The following SHC3 variants were observed in gnomAD, a reference collection of about 807,000 sequenced individuals.
SHC3 encodes SHC adaptor protein 3, also known as SHC-transforming protein 3.
A neutral mutation model predicts 60.4 loss-of-function variants in SHC3; 15 were observed. The observed-to-expected ratio is 0.25, with a 90% CI of 0.17 to 0.38. SHC3 has a LOEUF of 0.38. SHC3 is among the 10% of genes least tolerant of loss of function. The pLI is 1.00. For synonymous variants in SHC3, 294 were observed against 325.9 expected (o/e 0.90, Z 1.05); for missense variants, 677 against 786.1 (o/e 0.86, Z 1.66).
In SHC3 at chr9:89,017,339, C is replaced by T. The variant is rs549207789; in HGVS notation, c.1657-3764G>A. On this transcript the variant is annotated intron_variant, in intron 11 of 11. Coordinates refer to ENST00000375835, the MANE Select transcript of SHC3 (RefSeq NM_016848.6). Reference sequence around the variant, plus strand: ...AACAGAACAGAGGCCTCAGAAATAACACCACACATCTACAACCATCTGATC... The same window carrying T: ...AACAGAACAGAGGCCTCAGAAATAATACCACACATCTACAACCATCTGATC... Among the ~76,000 whole-genome samples, 4 of 152,198 alleles carry T rather than the reference C, an allele frequency of 2.6e-5. No individual in the cohort carries two copies. In the South Asian group the frequency reaches 8.3e-4, roughly 32 times the overall value.
Position 89,006,504 on chromosome 9 carries a change from C to T in SHC3, c.*6943G>A, listed in dbSNP as rs1332088533. On this transcript the variant is annotated 3_prime_UTR_variant, in exon 12 of 12. Coordinates refer to ENST00000375835, the MANE Select transcript of SHC3 (RefSeq NM_016848.6). ...TAGAAAGTGGTGAATTGGCAATACG[C>T]CAAGACATAGACTGTTACAGTAATT... is the stretch of plus-strand genomic sequence containing the variant. The T allele has an allele frequency of 1.3e-5, 2 of 152,182 alleles. No homozygotes were observed. Among genetic ancestry groups the T allele is most frequent in the African/African-American group, 4.8e-5 (2 of 41,440 alleles). The allele number at this position is 152,182 out of a possible 1,614,324, so 9.4% of individuals were successfully genotyped here.
chr9:89,036,470 C>T (rs543168015), intron 11 of SHC3, among the ~76,000 whole-genome samples: 1 of 152,272 alleles, frequency 6.6e-6, no homozygotes, highest in East Asian at 1.9e-4. Flanking sequence ...ACCCTGTGAC[C>T]AAAACGCCAC....
intron 1 of SHC3, among the ~76,000 whole-genome samples, chr9:89,141,955 C>T (rs765474968): frequency 6.6e-5 from 10 of 152,090 alleles, no homozygotes; most frequent in Non-Finnish European, 1.5e-4. Flanking sequence ...GGCCATTTGT[C>T]GGTCATAGGA....
intron 7 of SHC3, among the ~76,000 whole-genome samples, chr9:89,048,241 T>A (rs202018579): frequency 7.5e-6 from 1 of 133,950 alleles, no homozygotes. Context: ...AAGACTCCAT[T>A]AAAAAAAAAA....
At chr9:89,174,531 G>A (rs1826915321) in intron 1 of SHC3, among the ~76,000 whole-genome samples, 1 of 152,230 alleles carries the variant, frequency 6.6e-6, no homozygotes, top group African/African-American at 2.4e-5. Flanking sequence ...TGCTGACGCT[G>A]TTGGAATAGC....
chr9:89,097,425 CTG>C (rs1825721113), intron 2 of SHC3, among the ~76,000 whole-genome samples: 1 of 152,180 alleles, frequency 6.6e-6, no homozygotes, highest in African/African-American at 2.4e-5. Flanking sequence ...ACAAAAGAAG[CTG>C]TGTTTTCTAA....
Position 89,071,090 on chromosome 9 carries a change from C to T in SHC3, c.783+109G>A, listed in dbSNP as rs1825262843. 4.2e-6 allele frequency: 4 copies of T among 944,430 alleles called. No individual in the cohort carries two copies. In the South Asian group the frequency reaches 7.4e-5, roughly 17 times the overall value. The allele number at this position is 944,430 out of a possible 1,614,324, so 58.5% of individuals were successfully genotyped here. On this transcript the variant is annotated intron_variant, in intron 5 of 11. Coordinates refer to ENST00000375835, the MANE Select transcript of SHC3 (RefSeq NM_016848.6). ...AAATCAGGAGGGGGAAATTAGTTGC[C>T]ATCACAATTAACCTTTTTTACAGTG... is the stretch of plus-strand genomic sequence containing the variant.
chr9:89,138,733 G>T (rs988465929), intron 1 of SHC3, among the ~76,000 whole-genome samples: 2 of 152,138 alleles, frequency 1.3e-5, no homozygotes, highest in African/African-American at 4.8e-5. Flanking sequence ...TTTTCTAAGA[G>T]AACCCTTAAT....
At position 89,171,557 on chromosome 9, in the gene SHC3, G is replaced by A. The variant is rs149305139; in HGVS notation, c.474+6430C>T. On this transcript the variant is annotated intron_variant, in intron 1 of 11. Transcript: ENST00000375835. ...CCTCTTTTGAGGGGTTCTCCACTTCGGGGAAACCATGCATTTCAGATGATA... is the reference window on the plus strand; with the variant it reads ...CCTCTTTTGAGGGGTTCTCCACTTCAGGGAAACCATGCATTTCAGATGATA... 4.4e-4 allele frequency among the ~76,000 whole-genome samples: 67 copies of A among 152,274 alleles called. No individual in the cohort carries two copies. In the East Asian group the frequency reaches 0.011, roughly 26 times the overall value.
chr9:89,020,316 G>A (rs951651213), intron 11 of SHC3, among the ~76,000 whole-genome samples: 3 of 152,044 alleles, frequency 2.0e-5, no homozygotes, highest in Non-Finnish European at 2.9e-5. Context: ...GGTGGAGGGT[G>A]AGAGGCAGCA....
At chr9:89,078,013 T>G in intron 2 of SHC3, 110 bp from the exon 3 acceptor site, 2 of 1,296,998 alleles carry the variant, frequency 1.5e-6, no homozygotes, top group Non-Finnish European at 2.2e-6. Context: ...TATTTCAGTA[T>G]AGAAAACAGA....
intron 11 of SHC3, chr9:89,037,392 C>A (rs1824599665): frequency 3.2e-6 from 2 of 630,568 alleles, no homozygotes; most frequent in East Asian, 2.8e-5. Flanking sequence ...TTAAACTTAG[C>A]AATTCTTGGA....
At chr9:89,070,928 A>C (rs1312650014) in intron 5 of SHC3, among the ~76,000 whole-genome samples, 1 of 152,198 alleles carries the variant, frequency 6.6e-6, no homozygotes, top group Non-Finnish European at 1.5e-5. Context: ...CAGGGGGACT[A>C]TTTCATCACC....
chr9:89,036,596 A>G (rs1824582461), intron 11 of SHC3, among the ~76,000 whole-genome samples: 1 of 152,202 alleles, frequency 6.6e-6, no homozygotes. Flanking sequence ...TGTGGACTGC[A>G]TACGTGACGG....
rs1825968474 is a variant in SHC3, at chr9:89,008,159, G to A, written c.*5288C>T. On this transcript the variant is annotated 3_prime_UTR_variant, in exon 12 of 12. Transcript: ENST00000375835. ...GTGCCAGTTTTAAAACTGTGCATTTGTTGCTTGCAAACTTATAAATATGTA... is the reference window on the plus strand; with the variant it reads ...GTGCCAGTTTTAAAACTGTGCATTTATTGCTTGCAAACTTATAAATATGTA... 6.6e-6 allele frequency: 1 copy of A among 152,204 alleles called. No homozygotes were observed. Among genetic ancestry groups the A allele is most frequent in the Non-Finnish European group, 1.5e-5 (1 of 68,030 alleles). 9.4% of individuals were successfully genotyped at this position (152,204 alleles called of 1,614,324 possible). A position where few individuals can be genotyped will look rare whatever the true frequency, so the allele number is the denominator to read the frequency against.
chr9:89,127,634 G>C (rs1826183244), intron 1 of SHC3, among the ~76,000 whole-genome samples: 1 of 152,104 alleles, frequency 6.6e-6, no homozygotes, highest in African/African-American at 2.4e-5. Flanking sequence ...CATTATGAAA[G>C]GGCTTTGGTG....
Position 89,073,485 on chromosome 9 carries a change from C to G in SHC3, c.729+1624G>C, listed in dbSNP as rs115630945. On this transcript the variant is annotated intron_variant, in intron 4 of 11. Coordinates refer to ENST00000375835, the MANE Select transcript of SHC3 (RefSeq NM_016848.6). ...AGGGAGTGTCTAGCCAGGCTGTTCTCAATTTGCTACAGTTGGGCCCAAAAG... is the reference window on the plus strand; with the variant it reads ...AGGGAGTGTCTAGCCAGGCTGTTCTGAATTTGCTACAGTTGGGCCCAAAAG... Among the ~76,000 whole-genome samples, 248 of 152,266 alleles carry G rather than the reference C, an allele frequency of 1.6e-3. 1 individual carries two copies. The highest frequency in any genetic ancestry group is 5.8e-3 in the African/African-American group (240 of 41,546).
At chr9:89,021,639 G>C (rs1489002429) in intron 11 of SHC3, among the ~76,000 whole-genome samples, 1 of 152,222 alleles carries the variant, frequency 6.6e-6, no homozygotes, top group Non-Finnish European at 1.5e-5. Context: ...CCTGCCTTGG[G>C]CCATCCCAGG....
chr9:89,168,221 T>C (rs1467673779), intron 1 of SHC3, among the ~76,000 whole-genome samples: 6 of 152,322 alleles, frequency 3.9e-5, no homozygotes. Flanking sequence ...ATCCCAGCAC[T>C]TTGGGAGGCT....
Sources: allele counts gnomAD v4.1 joint callset (sites outside exome capture counted in the v4.1 genomes callset), GRCh38; gene constraint gnomAD v4.1.1; transcripts MANE v1.5; gene names NCBI Gene and HGNC (gene_info 2026-07-23, HGNC 2026-07-21).